The following DNAH8 variants were observed in gnomAD, a reference collection of about 807,000 sequenced individuals.
DNAH8 encodes the protein axonemal beta dynein heavy chain 8.
In DNAH8, 382 loss-of-function variants were observed where a neutral mutation model predicts 562.1. That is an observed-to-expected ratio of 0.68 (90% CI 0.63 to 0.74). DNAH8 has a LOEUF of 0.74. DNAH8 is among the 30% of genes least tolerant of loss of function. The pLI is 0.00. For missense variants in DNAH8, 5,203 were observed against 5,620.4 expected (o/e 0.93, Z 2.37); for synonymous variants, 1,881 against 1,919.4 (o/e 0.98, Z 0.52).
intron 21 of DNAH8, among the ~76,000 whole-genome samples, chr6:38,793,692 T>C (rs1769969626): frequency 6.6e-6 from 1 of 152,186 alleles, no homozygotes; most frequent in Admixed American, 6.5e-5. Context: ...TTTTTAAAAT[T>C]TATTAACTTA....
rs901029585 is a variant in DNAH8 at position 38,997,208 on chromosome 6, C to T, written c.13214+7036C>T. 7.9e-5 allele frequency among the ~76,000 whole-genome samples: 12 copies of T among 152,232 alleles called. No individual in the cohort carries two copies. In the East Asian group the frequency reaches 2.3e-3, roughly 29 times the overall value. The stretch of plus-strand genomic sequence containing the variant: ...GGTCTCTGAGTACCTAGGTTTGATT[C>T]TTCTTTCCTCTGGCTCTGAAATATC... On this transcript the variant is annotated intron_variant, in intron 88 of 92. Coordinates refer to ENST00000327475, the MANE Select transcript of DNAH8 (RefSeq NM_001206927.2).
intron 75 of DNAH8, 42 bp downstream of exon 75, chr6:38,929,708 A>T (rs1583384728): frequency 1.4e-6 from 2 of 1,464,688 alleles, no homozygotes; most frequent in East Asian, 4.9e-5. Flanking sequence ...AAAGAAAGAA[A>T]AGAAAAAGAA....
intron 85 of DNAH8, among the ~76,000 whole-genome samples, chr6:38,977,797 T>C (rs1028728101): frequency 7.9e-5 from 12 of 152,320 alleles, no homozygotes; most frequent in Middle Eastern, 6.8e-3. Flanking sequence ...GTGCCACTCT[T>C]TGAGGTGTGT....
At position 38,883,988 on chromosome 6, in the gene DNAH8, G is replaced by A; in HGVS notation, c.8249G>A (p.Trp2750Ter). The A allele has an allele frequency of 6.4e-7, 1 of 1,556,522 alleles. No homozygotes were observed. The highest frequency in any genetic ancestry group is 1.2e-5 in the South Asian group (1 of 80,854). ...ATTAATATGCCTGTGATTAATGAGT[G>A]GGGAGATCAGGTATGGCTGAAATAT... ...DDINMPVINE[W>*]GDQITNEIVR... The change falls in exon 56 of 93, where the codon TGG becomes TAG. Residue 2750 changes from tryptophan to a stop codon, truncating the protein, a stop_gained. Coordinates refer to ENST00000327475, the MANE Select transcript of DNAH8 (RefSeq NM_001206927.2). LOFTEE classifies it high-confidence loss of function.
In DNAH8 at chr6:38,896,118, T is replaced by G; in HGVS notation, c.8833T>G (p.Cys2945Gly). 6.2e-7 allele frequency: 1 copy of G among 1,614,144 alleles called. No individual in the cohort carries two copies. Among genetic ancestry groups the G allele is most frequent in the Non-Finnish European group, 8.5e-7 (1 of 1,179,958 alleles). ...EENIGSDAAS[C>G]ILPEPYFVDF... ...AAATATTGGCTCTGATGCAGCGTCGTGTATTCTTCCTGAACCATACTTTGT... is the reference window on the plus strand; with the variant it reads ...AAATATTGGCTCTGATGCAGCGTCGGGTATTCTTCCTGAACCATACTTTGT... Residue 2945 changes from cysteine (C) to glycine (G), a missense_variant, in exon 60 of 93, where the codon TGT becomes GGT. Transcript: ENST00000327475.
chr6:38,718,854 CT>C lies in DNAH8; in HGVS notation c.-35+3446del, dbSNP rs533976592. ...GAATATGATATGATGTCGTTCTAAACTTTTTTTCCCAACCAAATTTTCCCTG... is the reference window on the plus strand; with the variant it reads ...GAATATGATATGATGTCGTTCTAAACTTTTTTCCCAACCAAATTTTCCCTG... On this transcript the variant is annotated intron_variant, in intron 1 of 92. Transcript: ENST00000327475. 8.5e-3 allele frequency among the ~76,000 whole-genome samples: 1,292 copies of C among 152,258 alleles called. 21 individuals carry two copies. Among genetic ancestry groups the C allele is most frequent in the African/African-American group, 0.028 (1,175 of 41,568 alleles).
intron 56 of DNAH8, among the ~76,000 whole-genome samples, chr6:38,884,669 C>A (rs985872109): frequency 2.0e-5 from 3 of 152,188 alleles, no homozygotes; most frequent in African/African-American, 7.2e-5. Flanking sequence ...TAGCTCCTCT[C>A]TTCTGCCTTT....
At chr6:38,729,203 AAAAC>A (rs79234857) in intron 3 of DNAH8, among the ~76,000 whole-genome samples, 48,076 of 150,164 alleles carry the variant, frequency 0.32, 7,847 homozygotes, top group Admixed American at 0.43. Context: ...ACTCCGTCTC[AAAAC>A]AAACAAACAA....
At chr6:38,873,527 T>C (rs1046440091) in intron 52 of DNAH8, 151 bp downstream of exon 52, 7 of 686,462 alleles carry the variant, frequency 1.0e-5, no homozygotes, top group Middle Eastern at 4.1e-4. Flanking sequence ...TTGATTTCTA[T>C]TAAAGATCTT....
chr6:38,863,726 TA>T, intron 44 of DNAH8, 146 bp from the exon 45 acceptor site: 1 of 597,074 alleles, frequency 1.7e-6, no homozygotes, highest in African/African-American at 1.9e-5. Flanking sequence ...TCACTGGAAT[TA>T]AATATGTATT....
At chr6:38,955,313 C>G (rs116437824) in intron 82 of DNAH8, among the ~76,000 whole-genome samples, 3 of 151,836 alleles carry the variant, frequency 2.0e-5, no homozygotes, top group East Asian at 1.9e-4. Context: ...AACAGTAAAC[C>G]GACCCAGATA....
intron 76 of DNAH8, among the ~76,000 whole-genome samples, chr6:38,932,611 A>T (rs1782642136): frequency 6.6e-6 from 1 of 152,228 alleles, no homozygotes; most frequent in Non-Finnish European, 1.5e-5. Flanking sequence ...ATGTATCTGC[A>T]TTATAAAGTA....
intron 88 of DNAH8, among the ~76,000 whole-genome samples, chr6:39,007,008 G>A (rs942606835): frequency 1.3e-5 from 2 of 152,108 alleles, no homozygotes; most frequent in African/African-American, 4.8e-5. Context: ...TGCCCCCAGG[G>A]TAAAATCTGG....
intron 56 of DNAH8, among the ~76,000 whole-genome samples, chr6:38,886,166 G>T (rs374084824): frequency 6.6e-6 from 1 of 152,106 alleles, no homozygotes; most frequent in Non-Finnish European, 1.5e-5. Context: ...AGAGGAAAGA[G>T]CCCAGGATGG....
intron 30 of DNAH8, among the ~76,000 whole-genome samples, chr6:38,831,466 C>T (rs1773832691): frequency 6.6e-6 from 1 of 150,658 alleles, no homozygotes; most frequent in Admixed American, 6.6e-5. Flanking sequence ...AAGAAAGACT[C>T]ACTTAGGTTG....
chr6:38,804,759 AAGAGAGAGAGAGAG>A (rs137967997), intron 22 of DNAH8, among the ~76,000 whole-genome samples: 25 of 111,180 alleles, frequency 2.2e-4, no homozygotes, highest in Admixed American at 5.5e-4. Context: ...ACATAGCAAG[AAGAGAGAGAGAGAG>A]AGAGAGAGAG....
chr6:38,777,867 C>T (rs552635740), intron 13 of DNAH8, among the ~76,000 whole-genome samples: 51 of 152,266 alleles, frequency 3.3e-4, no homozygotes, highest in African/African-American at 1.2e-3. Context: ...CACTACTCTA[C>T]CTGAAGTTCT....
chr6:38,730,311 AC>A (rs1306071567), intron 4 of DNAH8, among the ~76,000 whole-genome samples: 3 of 152,238 alleles, frequency 2.0e-5, no homozygotes, highest in East Asian at 3.9e-4. Flanking sequence ...TGGTGGTGAA[AC>A]CACTCCAGAG....
Position 38,750,530 on chromosome 6 carries a change from A to G in DNAH8, c.1348A>G (p.Asn450Asp). The G allele has an allele frequency of 6.2e-7, 1 of 1,612,390 alleles. No individual in the cohort carries two copies. The highest frequency in any genetic ancestry group is 1.1e-5 in the South Asian group (1 of 90,716). The part of the protein sequence containing the change: ...ITDTANESKD[N>D]VRYLYTLEKV... ...TGATACAGCAAATGAATCCAAAGAT[A>G]ATGTCAGATATTTGTATACTTTGGA... Residue 450 changes from asparagine to aspartate, a missense_variant, in exon 9 of 93, where the codon AAT (asparagine) becomes GAT (aspartate). This residue lies in a region of DNAH8 where 2,176 missense variants were observed against 2,365.1 expected (regional missense o/e 0.92). Transcript: ENST00000327475.
Sources: gnomAD v4.1 joint callset for allele counts (sites outside exome capture counted in the v4.1 genomes callset) on GRCh38, gnomAD v4.1.1 for gene constraint, gnomAD v4.1.1 regional missense constraint, MANE v1.5 for transcripts, NCBI Gene and HGNC (gene_info 2026-07-23, HGNC 2026-07-21) for gene names.